Variants in FRMD3 observed in about 807,000 individuals in gnomAD.
FRMD3 encodes the protein FERM domain-containing protein 3.
FRMD3 carries 33 observed loss-of-function variants against 70.2 expected under a neutral mutation model. The ratio of observed to expected loss-of-function variants is 0.47; its 90% CI spans 0.36 to 0.63. The LOEUF is 0.63. FRMD3 is among the 20% of genes least tolerant of loss of function. The pLI, the probability that FRMD3 is intolerant of heterozygous loss-of-function variation, is 0.00. For missense variants in FRMD3, 632 were observed against 711.4 expected (o/e 0.89, Z 1.27); for synonymous variants, 279 against 255.9 (o/e 1.09, Z -0.86).
At chr9:83,488,074 C>T (rs1828726471) in intron 1 of FRMD3, among the ~76,000 whole-genome samples, 1 of 152,148 alleles carries the variant, frequency 6.6e-6, no homozygotes, top group South Asian at 2.1e-4. Flanking sequence ...TTCCTATTTG[C>T]ACCTATTATG....
At chr9:83,309,306 T>C (rs1835262594) in intron 10 of FRMD3, among the ~76,000 whole-genome samples, 1 of 137,716 alleles carries the variant, frequency 7.3e-6, no homozygotes, top group Non-Finnish European at 1.6e-5. Context: ...ACACACACAG[T>C]GGCCCACAGC....
At chr9:83,403,912 C>A (rs1442356916) in intron 1 of FRMD3, among the ~76,000 whole-genome samples, 2 of 152,002 alleles carry the variant, frequency 1.3e-5, no homozygotes, top group Non-Finnish European at 2.9e-5. Flanking sequence ...CAGCATGGCC[C>A]ACAGCTCCAC....
At chr9:83,355,263 G>C (rs902542022) in intron 3 of FRMD3, among the ~76,000 whole-genome samples, 1 of 152,214 alleles carries the variant, frequency 6.6e-6, no homozygotes, top group Non-Finnish European at 1.5e-5. Context: ...ATTTGGTGCA[G>C]AATCAGTACA....
upstream of FRMD3, among the ~76,000 whole-genome samples, chr9:83,541,387 T>G (rs1829997874): frequency 1.3e-5 from 2 of 152,164 alleles, no homozygotes; most frequent in South Asian, 2.1e-4. Context: ...TAAATGAAGA[T>G]GAGAAAAAGG....
chr9:83,547,101 C>T, the FRMD3 span, among the ~76,000 whole-genome samples: 23 of 150,848 alleles, frequency 1.5e-4, no homozygotes, highest in Non-Finnish European at 3.1e-4. Context: ...AAATCAACAA[C>T]AATAAAACAA....
At chr9:83,576,256 T>C in the FRMD3 span, among the ~76,000 whole-genome samples, 2 of 151,998 alleles carry the variant, frequency 1.3e-5, no homozygotes, top group South Asian at 4.1e-4. Flanking sequence ...AATCAGTTAA[T>C]GTAATATACC....
intron 1 of FRMD3, among the ~76,000 whole-genome samples, chr9:83,458,831 A>T (rs1827892201): frequency 6.6e-6 from 1 of 152,244 alleles, no homozygotes; most frequent in Non-Finnish European, 1.5e-5. Context: ...AAATGAAAAA[A>T]GGGACTTGGT....
rs538817686 is a variant in FRMD3 at position 83,260,386 on chromosome 9, T to C, written c.1196-11870A>G. 1.1e-4 allele frequency among the ~76,000 whole-genome samples: 17 copies of C among 152,210 alleles called. No homozygotes were observed. In the South Asian group the frequency reaches 3.5e-3, roughly 32 times the overall value. On this transcript the variant is annotated intron_variant, in intron 13 of 13. Transcript: ENST00000304195. ...ACCATGTTGGCTGAAGAGAAGGAGA[T>C]CTGAGAAGCCCAGAGAGACTCTCAC...
chr9:83,286,534 G>A (rs567340244), intron 13 of FRMD3, among the ~76,000 whole-genome samples: 1 of 152,196 alleles, frequency 6.6e-6, no homozygotes, highest in Non-Finnish European at 1.5e-5. Flanking sequence ...GTTTCACCAT[G>A]TTGGTCAGGC....
chr9:83,554,446 G>A, the FRMD3 span, among the ~76,000 whole-genome samples: 7,515 of 152,262 alleles, frequency 0.049, 239 homozygotes, highest in Non-Finnish European at 0.068. Context: ...TGACTCCTGG[G>A]GATCCACCCC....
At chr9:83,450,347 G>GTTTTTT (rs763340189) in intron 1 of FRMD3, among the ~76,000 whole-genome samples, 46 of 111,558 alleles carry the variant, frequency 4.1e-4, no homozygotes, top group East Asian at 1.6e-3. Context: ...GTCACCCTCA[G>GTTTTTT]TTTTTTTTTT....
At chr9:83,354,932 T>A (rs1269363743) in intron 3 of FRMD3, among the ~76,000 whole-genome samples, 1 of 152,136 alleles carries the variant, frequency 6.6e-6, no homozygotes, top group Non-Finnish European at 1.5e-5. Context: ...AAATTGTAAG[T>A]CATTGAACAA....
intron 1 of FRMD3, among the ~76,000 whole-genome samples, chr9:83,421,261 T>C (rs1419923030): frequency 6.6e-6 from 1 of 152,172 alleles, no homozygotes; most frequent in Non-Finnish European, 1.5e-5. Flanking sequence ...TCTTCATAAA[T>C]TACCCAGCCT....
chr9:83,476,383 C>CAAA (rs35937281), intron 1 of FRMD3, among the ~76,000 whole-genome samples: 4 of 114,058 alleles, frequency 3.5e-5, no homozygotes, highest in Admixed American at 8.7e-5. Flanking sequence ...GACTCTCTCT[C>CAAA]AAAAAAAAAA....
chr9:83,529,451 G>A (rs1338796310), intron 1 of FRMD3, among the ~76,000 whole-genome samples: 23 of 152,122 alleles, frequency 1.5e-4, no homozygotes, highest in Non-Finnish European at 2.1e-4. Context: ...AAAATCAGCT[G>A]AATTGTGCAC....
At chr9:83,564,028 TA>T in the FRMD3 span, among the ~76,000 whole-genome samples, 1 of 152,142 alleles carries the variant, frequency 6.6e-6, no homozygotes, top group African/African-American at 2.4e-5. Flanking sequence ...TGTATCAGTG[TA>T]AAGTTTGTTG....
chr9:83,403,907 T>C (rs1189584678), intron 1 of FRMD3, among the ~76,000 whole-genome samples: 2 of 152,090 alleles, frequency 1.3e-5, no homozygotes, highest in East Asian at 3.9e-4. Flanking sequence ...CAGCCCAGCA[T>C]GGCCCACAGC....
chr9:83,386,079 C>T (rs1825503361), intron 2 of FRMD3, among the ~76,000 whole-genome samples: 1 of 152,156 alleles, frequency 6.6e-6, no homozygotes, highest in Non-Finnish European at 1.5e-5. Context: ...CCTTATCTTT[C>T]ATTCTCATAT....
At chr9:83,290,091 G>T (rs1242153627) in intron 13 of FRMD3, among the ~76,000 whole-genome samples, 2 of 152,186 alleles carry the variant, frequency 1.3e-5, no homozygotes, top group Non-Finnish European at 2.9e-5. Flanking sequence ...AGAGATACTT[G>T]TGGAGAACTC....
Sources: gnomAD v4.1 joint callset for allele counts (sites outside exome capture counted in the v4.1 genomes callset) on GRCh38, gnomAD v4.1.1 for gene constraint, MANE v1.5 for transcripts, NCBI Gene and HGNC (gene_info 2026-07-23, HGNC 2026-07-21) for gene names.